AGBL4: variants seen among roughly 807,000 people sequenced by gnomAD.
AGBL4 encodes AGBL carboxypeptidase 4, also known as cytosolic carboxypeptidase 6.
Under a neutral mutation model 66.4 loss-of-function variants are expected in AGBL4, and 58 were observed. The ratio of observed to expected loss-of-function variants is 0.87; its 90% CI spans 0.71 to 1.09. The LOEUF (loss-of-function observed/expected upper bound fraction) is 1.09, where lower values mean the gene tolerates loss of function less well. Ranked by LOEUF, AGBL4 falls within the 50% of genes least tolerant of loss-of-function variation. The pLI is 0.00. For synonymous variants in AGBL4, 234 were observed against 222.9 expected, an observed-to-expected ratio of 1.05 and a Z score of -0.44; for missense variants, 579 against 631.0, an observed-to-expected ratio of 0.92 and a Z score of 0.88.
chr1:48,929,023 G>T (rs1654818548), intron 5 of AGBL4, among the ~76,000 whole-genome samples: 2 of 152,086 alleles, frequency 1.3e-5, no homozygotes, highest in Non-Finnish European at 2.9e-5. Flanking sequence ...TACCTGCTAG[G>T]ATTTTAGATT....
chr1:48,808,082 T>C (rs1184337631), intron 6 of AGBL4, among the ~76,000 whole-genome samples: 2 of 152,138 alleles, frequency 1.3e-5, no homozygotes, highest in African/African-American at 4.8e-5. Context: ...GCAGTATAAG[T>C]CAGTGAGTCA....
intron 6 of AGBL4, among the ~76,000 whole-genome samples, chr1:48,779,229 G>A (rs1047518649): frequency 6.6e-6 from 1 of 152,146 alleles, no homozygotes; most frequent in African/African-American, 2.4e-5. Flanking sequence ...CCTCCTCTCT[G>A]CATCTAAATG....
At chr1:49,630,860 T>C (rs938134678) in intron 3 of AGBL4, among the ~76,000 whole-genome samples, 2 of 152,128 alleles carry the variant, frequency 1.3e-5, no homozygotes, top group Admixed American at 6.6e-5. Flanking sequence ...GTATTATTTG[T>C]AGTAGTAGTA....
At chr1:49,404,121 G>A (rs576756422) in intron 3 of AGBL4, among the ~76,000 whole-genome samples, 1 of 152,068 alleles carries the variant, frequency 6.6e-6, no homozygotes, top group East Asian at 1.9e-4. Context: ...AATGCTTCTG[G>A]CCACCCCCCA....
chr1:49,792,756 T>C (rs1277220432), intron 2 of AGBL4, among the ~76,000 whole-genome samples: 5 of 151,822 alleles, frequency 3.3e-5, no homozygotes, highest in Non-Finnish European at 5.9e-5. Flanking sequence ...CCATCCAACC[T>C]CCAAACTGTC....
chr1:48,591,070 C>G, intron 9 of AGBL4, 85 bp from the exon 10 acceptor site: 1 of 1,146,658 alleles, frequency 8.7e-7, no homozygotes, highest in South Asian at 1.7e-5. Context: ...CACACACACA[C>G]CCCCCACACA....
rs1249794334 is a variant in AGBL4 at position 49,832,838 on chromosome 1, G to A, written c.157+18558C>T. On this transcript the variant is annotated intron_variant, in intron 2 of 13. Transcript: ENST00000371839. ...TCATGTCCTTTGCCCACTTTTTGAT[G>A]GGGTTGTTTTTTTCTTATAAATTTG... Among the ~76,000 whole-genome samples, 4 of 152,084 alleles carry A rather than the reference G, an allele frequency of 2.6e-5. No homozygotes were observed. The East Asian group carries it at 7.7e-4, about 29-fold the overall frequency.
intron 4 of AGBL4, among the ~76,000 whole-genome samples, chr1:49,050,734 AGTCTTT>A (rs1199675196): frequency 6.6e-6 from 1 of 152,146 alleles, no homozygotes; most frequent in East Asian, 1.9e-4. Context: ...TCCTCTTTGA[AGTCTTT>A]GTCAACAACT....
intron 1 of AGBL4, among the ~76,000 whole-genome samples, chr1:49,994,036 G>C (rs925418350): frequency 6.6e-6 from 1 of 152,074 alleles, no homozygotes; most frequent in Non-Finnish European, 1.5e-5. Context: ...CAAAATTTCA[G>C]CTGTACGATG....
intron 4 of AGBL4, among the ~76,000 whole-genome samples, chr1:49,221,144 C>T (rs1049684047): frequency 3.9e-5 from 6 of 152,128 alleles, no homozygotes; most frequent in Middle Eastern, 3.4e-3. Flanking sequence ...TTAGTTTTAA[C>T]GGGATTCCAT....
intron 4 of AGBL4, among the ~76,000 whole-genome samples, chr1:49,187,966 A>G (rs182168002): frequency 6.6e-6 from 1 of 152,098 alleles, no homozygotes; most frequent in Non-Finnish European, 1.5e-5. Context: ...ATGATAGTGA[A>G]TGAGTCTCAC....
chr1:48,687,521 G>A (rs1006890340), intron 6 of AGBL4, among the ~76,000 whole-genome samples: 13 of 152,206 alleles, frequency 8.5e-5, no homozygotes, highest in African/African-American at 3.1e-4. Flanking sequence ...CAGGGAGCGA[G>A]GGGAGAGGCC....
chr1:49,850,278 T>C (rs538252432), intron 2 of AGBL4, among the ~76,000 whole-genome samples: 1 of 152,318 alleles, frequency 6.6e-6, no homozygotes, highest in South Asian at 2.1e-4. Flanking sequence ...GTGATGCTTC[T>C]GTAAGCCAAG....
At chr1:49,280,070 A>AT (rs1357997197) in intron 3 of AGBL4, among the ~76,000 whole-genome samples, 2 of 151,954 alleles carry the variant, frequency 1.3e-5, no homozygotes, top group East Asian at 1.9e-4. Context: ...TCTTTTCAGG[A>AT]TTTTTTTGCA....
At chr1:49,219,026 C>T (rs1475645667) in intron 4 of AGBL4, among the ~76,000 whole-genome samples, 3 of 152,114 alleles carry the variant, frequency 2.0e-5, no homozygotes, top group Non-Finnish European at 4.4e-5. Flanking sequence ...TACCCAGTCT[C>T]GAGTATGTCT....
At chr1:49,634,862 C>G (rs983704915) in intron 3 of AGBL4, among the ~76,000 whole-genome samples, 2 of 151,956 alleles carry the variant, frequency 1.3e-5, no homozygotes. Flanking sequence ...GTTCCTACTG[C>G]GAAAAAATGA....
At chr1:48,957,203 C>T (rs1432270132) in intron 5 of AGBL4, among the ~76,000 whole-genome samples, 1 of 152,080 alleles carries the variant, frequency 6.6e-6, no homozygotes, top group Non-Finnish European at 1.5e-5. Flanking sequence ...ATAAAACATC[C>T]ACACTTTCAA....
chr1:49,164,469 A>G (rs1646596447), intron 4 of AGBL4, among the ~76,000 whole-genome samples: 1 of 152,164 alleles, frequency 6.6e-6, no homozygotes, highest in Non-Finnish European at 1.5e-5. Flanking sequence ...CCCAAAAAGG[A>G]GACAAAGAAG....
At chr1:49,911,353 C>A (rs551261742) in intron 1 of AGBL4, among the ~76,000 whole-genome samples, 1 of 152,302 alleles carries the variant, frequency 6.6e-6, no homozygotes, top group East Asian at 1.9e-4. Context: ...TCTAGCACCA[C>A]CTCTTCACTC....
Sources: allele counts gnomAD v4.1 joint callset (sites outside exome capture counted in the v4.1 genomes callset), GRCh38; gene constraint gnomAD v4.1.1; transcripts MANE v1.5; gene names NCBI Gene and HGNC (gene_info 2026-07-23, HGNC 2026-07-21).